Variants in NUP210L observed in about 807,000 individuals in gnomAD.
NUP210L encodes nucleoporin 210 like, also known as nuclear pore membrane glycoprotein 210-like.
NUP210L carries 74 observed loss-of-function variants against 208.5 expected under a neutral mutation model. The ratio of observed to expected loss-of-function variants is 0.35; its 90% CI spans 0.29 to 0.43. NUP210L has a LOEUF of 0.43. Ranked by LOEUF, NUP210L falls within the 20% of genes least tolerant of loss-of-function variation. NUP210L has a pLI of 1.00. For synonymous variants in NUP210L, 780 were observed against 816.9 expected (o/e 0.95, Z 0.77); for missense variants, 1,843 against 2,289.4 (o/e 0.81, Z 3.98).
At chr1:154,000,135 A>C (rs1438170685) in intron 37 of NUP210L, among the ~76,000 whole-genome samples, 1 of 152,138 alleles carries the variant, frequency 6.6e-6, no homozygotes, top group Non-Finnish European at 1.5e-5. Flanking sequence ...CCTGGCTGAC[A>C]ACTATTCTTA....
intron 27 of NUP210L, among the ~76,000 whole-genome samples, chr1:154,031,514 C>T (rs1652216604): frequency 6.6e-6 from 1 of 151,350 alleles, no homozygotes. Context: ...TAAGCATCCC[C>T]ACTTCCCTCC....
At chr1:154,018,701 A>T (rs1651398860) in intron 33 of NUP210L, among the ~76,000 whole-genome samples, 1 of 152,122 alleles carries the variant, frequency 6.6e-6, no homozygotes, top group African/African-American at 2.4e-5. Context: ...CCTGGTGTCT[A>T]GTGTCTAGTG....
intron 6 of NUP210L, among the ~76,000 whole-genome samples, chr1:154,137,290 C>G (rs566356574): frequency 1.3e-5 from 2 of 152,020 alleles, no homozygotes; most frequent in South Asian, 2.1e-4. Flanking sequence ...TGATGGCTCA[C>G]GCCTGTAATC....
At chr1:154,125,853 C>T (rs1434044627) in intron 10 of NUP210L, among the ~76,000 whole-genome samples, 1 of 138,030 alleles carries the variant, frequency 7.2e-6, no homozygotes, top group Non-Finnish European at 1.5e-5. Flanking sequence ...CTGCAAGCTC[C>T]GCCTCCCGGG....
chr1:154,129,388 G>T, intron 7 of NUP210L, 43 bp from the exon 8 acceptor site: 1 of 1,190,952 alleles, frequency 8.4e-7, no homozygotes, highest in Non-Finnish European at 1.2e-6. Context: ...AGAGTTGGGT[G>T]AAAAGGTGAG....
At chr1:154,031,652 G>C (rs1343724387) in intron 27 of NUP210L, among the ~76,000 whole-genome samples, 1 of 151,024 alleles carries the variant, frequency 6.6e-6, no homozygotes, top group East Asian at 1.9e-4. Context: ...TCTATACTTG[G>C]CTTATTTCAC....
Position 154,089,065 on chromosome 1 carries a change from T to C in NUP210L, c.2361+356A>G, listed in dbSNP as rs949110796. 3.9e-5 allele frequency among the ~76,000 whole-genome samples: 6 copies of C among 152,282 alleles called. No homozygotes were observed. In the East Asian group the frequency reaches 9.6e-4, roughly 24 times the overall value. On this transcript the variant is annotated intron_variant, in intron 16 of 39. Transcript: ENST00000368559. Reference sequence around the variant, plus strand: ...GTTATGTAGTCAGATCTCAAGTGTCTATTGCCATTATCACAAGCTGATTAT... The same window carrying C: ...GTTATGTAGTCAGATCTCAAGTGTCCATTGCCATTATCACAAGCTGATTAT...
chr1:154,058,003 TA>T, intron 22 of NUP210L, 85 bp downstream of exon 22: 1 of 1,396,486 alleles, frequency 7.2e-7, no homozygotes, highest in Non-Finnish European at 9.9e-7. Context: ...TGAAATAATC[TA>T]AGGTAAGGGA....
At chr1:154,084,592 CTATT>C (rs1017888741) in intron 16 of NUP210L, among the ~76,000 whole-genome samples, 7 of 151,404 alleles carry the variant, frequency 4.6e-5, no homozygotes, top group African/African-American at 2.4e-5. Context: ...AAATTTTTGT[CTATT>C]TATTTATTTA....
chr1:154,101,465 A>G (rs556641251), intron 13 of NUP210L, among the ~76,000 whole-genome samples: 9 of 152,284 alleles, frequency 5.9e-5, no homozygotes, highest in African/African-American at 1.4e-4. Context: ...ACAGAGTGAC[A>G]CTGTTAAAAA....
At chr1:154,033,787 T>C (rs1249983195) in intron 27 of NUP210L, among the ~76,000 whole-genome samples, 2 of 152,214 alleles carry the variant, frequency 1.3e-5, no homozygotes, top group African/African-American at 2.4e-5. Context: ...CTGTGAAGAA[T>C]GTCACTGGTA....
At chr1:154,001,673 A>G in intron 36 of NUP210L, 62 bp downstream of exon 36, 1 of 1,550,640 alleles carries the variant, frequency 6.4e-7, no homozygotes, top group Non-Finnish European at 8.8e-7. Context: ...TGAAGTGAGA[A>G]TGAAAACTAT....
intron 8 of NUP210L, among the ~76,000 whole-genome samples, chr1:154,127,862 GA>G (rs948179116): frequency 6.6e-5 from 10 of 151,348 alleles, no homozygotes; most frequent in Non-Finnish European, 1.5e-5. Flanking sequence ...GTCTAAAGTA[GA>G]TTTTTTTGTT....
chr1:154,041,919 C>G (rs745976492), intron 27 of NUP210L, among the ~76,000 whole-genome samples: 26 of 152,122 alleles, frequency 1.7e-4, no homozygotes, highest in Non-Finnish European at 2.2e-4. Context: ...TCCCCAGTCC[C>G]CTACACACAC....
chr1:153,994,802 A>T (rs931565685), intron 38 of NUP210L, among the ~76,000 whole-genome samples: 1 of 151,288 alleles, frequency 6.6e-6, no homozygotes, highest in Non-Finnish European at 1.5e-5. Flanking sequence ...TCACGAGGTC[A>T]GGAGTTCAAG....
chr1:154,137,148 G>C (rs999195997), intron 6 of NUP210L, among the ~76,000 whole-genome samples: 3 of 152,056 alleles, frequency 2.0e-5, no homozygotes, highest in Non-Finnish European at 4.4e-5. Flanking sequence ...GCTTGGCACA[G>C]TAGCTCACAC....
chr1:154,001,439 A>ACC (rs1363953485), intron 36 of NUP210L, among the ~76,000 whole-genome samples: 1 of 151,998 alleles, frequency 6.6e-6, no homozygotes, highest in East Asian at 1.9e-4. Context: ...CTTGTGATCC[A>ACC]CCCACTTTGG....
At chr1:154,137,985 A>T in intron 6 of NUP210L, 121 bp downstream of exon 6, 1 of 679,782 alleles carries the variant, frequency 1.5e-6, no homozygotes, top group Non-Finnish European at 2.3e-6. Context: ...ACAGCAATTA[A>T]CACTTTACCA....
chr1:154,018,897 C>T (rs1283927241), intron 33 of NUP210L, 36 bp downstream of exon 33: 2 of 1,609,034 alleles, frequency 1.2e-6, no homozygotes, highest in Admixed American at 3.3e-5. Context: ...GCAATAGTCA[C>T]CCTAGTCTCT....
Sources: gnomAD v4.1 joint callset for allele counts (sites outside exome capture counted in the v4.1 genomes callset) on GRCh38, gnomAD v4.1.1 for gene constraint, MANE v1.5 for transcripts, NCBI Gene and HGNC (gene_info 2026-07-23, HGNC 2026-07-21) for gene names.